SETD7: variants seen among roughly 807,000 people sequenced by gnomAD.
SETD7 encodes SET domain containing 7, histone lysine methyltransferase.
In SETD7, 16 loss-of-function variants were observed where a neutral mutation model predicts 41.8. The ratio of observed to expected loss-of-function variants is 0.38; its 90% CI spans 0.26 to 0.58. The LOEUF (loss-of-function observed/expected upper bound fraction) is 0.58. SETD7 is among the 20% of genes least tolerant of loss of function. The probability of loss-of-function intolerance (pLI) is 0.64; values close to 1 mark genes in which losing one functional copy is unlikely to be tolerated. For synonymous variants in SETD7, 163 were observed against 169.7 expected (o/e 0.96, Z 0.31); for missense variants, 346 against 459.7 (o/e 0.75, Z 2.26).
In SETD7 at chr4:139,509,687, A is replaced by G. The variant is rs1041370562; in HGVS notation, c.*1976T>C. On this transcript the variant is annotated 3_prime_UTR_variant, in exon 8 of 8. Coordinates refer to ENST00000274031, the MANE Select transcript of SETD7 (RefSeq NM_030648.4). The stretch of plus-strand genomic sequence containing the variant: ...CACTCCCTTTGGGCACATTTAAATT[A>G]AAGCACCTATCAGAATGCAAGTCCA... The G allele has an allele frequency of 3.0e-6, 3 of 985,222 alleles. No homozygotes were observed. The highest frequency in any genetic ancestry group is 1.7e-5 in the African/African-American group (1 of 57,358). 61.0% of individuals were successfully genotyped at this position (985,222 alleles called of 1,614,324 possible).
chr4:139,511,733 T>C lies in SETD7; in HGVS notation c.1031A>G (p.Lys344Arg). ...CCACTCAGGGGCTTCAGGCCCACTC[T>C]TCCCGGGGGGGCTGTGGTCATAGCC... The part of the protein sequence containing the change: ...AYGYDHSPPG[K>R]SGPEAPEWYQ... The change falls in exon 8 of 8, where the codon AAG becomes AGG. Residue 344 changes from lysine (K) to arginine (R), a missense_variant. Lys to Arg is a conservative substitution (Grantham distance 26). Coordinates refer to ENST00000274031, the MANE Select transcript of SETD7 (RefSeq NM_030648.4). The C allele has an allele frequency of 6.2e-7, 1 of 1,614,164 alleles. No individual in the cohort carries two copies. Among genetic ancestry groups the C allele is most frequent in the Non-Finnish European group, 8.5e-7 (1 of 1,180,014 alleles).
intron 1 of SETD7, among the ~76,000 whole-genome samples, chr4:139,551,477 CAATT>C (rs1444153247): frequency 1.3e-5 from 2 of 152,166 alleles, no homozygotes; most frequent in African/African-American, 4.8e-5. Flanking sequence ...TAGAAAGTTA[CAATT>C]TTCCCCTCTA....
intron 7 of SETD7, among the ~76,000 whole-genome samples, chr4:139,512,068 C>A (rs1469950889): frequency 6.6e-6 from 1 of 152,122 alleles, no homozygotes; most frequent in Non-Finnish European, 1.5e-5. Flanking sequence ...TGCATTTTAG[C>A]GACACCCCCA....
At chr4:139,535,429 C>T (rs1727611570) in intron 2 of SETD7, among the ~76,000 whole-genome samples, 1 of 152,182 alleles carries the variant, frequency 6.6e-6, no homozygotes. Flanking sequence ...TGACTTTGGA[C>T]TCTCAGCAGC....
chr4:139,493,292 C>T (rs192451888), downstream of SETD7, among the ~76,000 whole-genome samples: 2 of 152,196 alleles, frequency 1.3e-5, no homozygotes, highest in East Asian at 3.9e-4. Flanking sequence ...CAGAGAGAAG[C>T]TATGCAAAGA....
At position 139,509,084 on chromosome 4, in the gene SETD7, G is replaced by C. The variant is rs1044979019; in HGVS notation, c.*2579C>G. 10 of 152,524 alleles carry C rather than the reference G, an allele frequency of 6.6e-5. No individual in the cohort carries two copies. The highest frequency in any genetic ancestry group is 2.4e-4 in the African/African-American group (10 of 41,458). The allele number at this position is 152,524 out of a possible 1,614,324, so 9.4% of individuals were successfully genotyped here. A position where few individuals can be genotyped will look rare whatever the true frequency, so the allele number is the denominator to read the frequency against. On this transcript the variant is annotated 3_prime_UTR_variant, in exon 8 of 8. Transcript: ENST00000274031. ...TCCCAAAGACATGCACAGAGCCAGA[G>C]AGACTCAAGAAAGGTCAGTGCAGGG...
chr4:139,498,670 T>A (rs1439505417), intron 7 of SETD7, among the ~76,000 whole-genome samples: 1 of 152,188 alleles, frequency 6.6e-6, no homozygotes, highest in Non-Finnish European at 1.5e-5. Context: ...TTTCTCTGAC[T>A]TTCTCCTGCC....
At chr4:139,501,765 C>T (rs1726581823), downstream of SETD7, among the ~76,000 whole-genome samples, 1 of 152,226 alleles carries the variant, frequency 6.6e-6, no homozygotes, top group South Asian at 2.1e-4. Context: ...CTAGATGCTT[C>T]ACTCATTAAA....
Position 139,510,669 on chromosome 4 carries a change from T to C in SETD7, c.*994A>G, listed in dbSNP as rs1164639216. 6.6e-6 allele frequency: 1 copy of C among 152,224 alleles called. No individual in the cohort carries two copies. The highest frequency in any genetic ancestry group is 1.5e-5 in the Non-Finnish European group (1 of 68,038). 9.4% of individuals were successfully genotyped at this position (152,224 alleles called of 1,614,324 possible). A position where few individuals can be genotyped will look rare whatever the true frequency, so the allele number is the denominator to read the frequency against. On this transcript the variant is annotated 3_prime_UTR_variant, in exon 8 of 8. Transcript: ENST00000274031. The stretch of plus-strand genomic sequence containing the variant: ...GAATTCTGTTAGAATTCAAATTTGC[T>C]GTTTGACTTTTGAATTCAATGCACT...
chr4:139,500,423 A>G (rs1024045729), intron 7 of SETD7, among the ~76,000 whole-genome samples: 2 of 152,222 alleles, frequency 1.3e-5, no homozygotes, highest in South Asian at 2.1e-4. Context: ...GATCCTTCCA[A>G]TGAAAGGGCT....
At chr4:139,502,692 CCCTCCCTCTG>C (rs1170191829), downstream of SETD7, among the ~76,000 whole-genome samples, 1 of 152,196 alleles carries the variant, frequency 6.6e-6, no homozygotes, top group Non-Finnish European at 1.5e-5. Flanking sequence ...CACCACACAA[CCCTCCCTCTG>C]CCACAGCAGA....
At chr4:139,502,363 G>T (rs1033779937), downstream of SETD7, among the ~76,000 whole-genome samples, 2 of 152,188 alleles carry the variant, frequency 1.3e-5, no homozygotes, top group Non-Finnish European at 2.9e-5. Flanking sequence ...TCGGAATGCT[G>T]GGGGAGGAGA....
At chr4:139,521,857 T>C (rs1390201889) in intron 5 of SETD7, among the ~76,000 whole-genome samples, 5 of 152,218 alleles carry the variant, frequency 3.3e-5, no homozygotes, top group Admixed American at 1.3e-4. Flanking sequence ...CTGTTTCTCT[T>C]GTAAAGAAAA....
At chr4:139,550,951 C>G (rs1268669216) in intron 1 of SETD7, among the ~76,000 whole-genome samples, 1 of 152,192 alleles carries the variant, frequency 6.6e-6, no homozygotes, top group Admixed American at 6.5e-5. Flanking sequence ...AGCCCCTTCT[C>G]CAAATCCTTT....
chr4:139,514,898 G>A (rs1726982350), intron 7 of SETD7, among the ~76,000 whole-genome samples: 1 of 152,172 alleles, frequency 6.6e-6, no homozygotes, highest in Non-Finnish European at 1.5e-5. Flanking sequence ...AGGCATGGTG[G>A]CCCACACCTG....
At chr4:139,535,745 C>T (rs1215767963) in intron 2 of SETD7, among the ~76,000 whole-genome samples, 1 of 152,016 alleles carries the variant, frequency 6.6e-6, no homozygotes, top group East Asian at 1.9e-4. Flanking sequence ...AATCTTACTG[C>T]GTTATTTTTT....
At chr4:139,520,154 C>T (rs1423771484) in intron 6 of SETD7, 123 bp downstream of exon 6, 1 of 556,056 alleles carries the variant, frequency 1.8e-6, no homozygotes, top group Non-Finnish European at 3.2e-6. Context: ...AATGTCCAAT[C>T]ATTTTTACAA....
intron 4 of SETD7, 144 bp downstream of exon 4, chr4:139,528,887 G>T: frequency 1.5e-6 from 1 of 676,822 alleles, no homozygotes. Flanking sequence ...GGGAGGTGCA[G>T]TGTCTGTTAT....
intron 5 of SETD7, among the ~76,000 whole-genome samples, chr4:139,521,858 G>A (rs1051940965): frequency 2.6e-5 from 4 of 152,164 alleles, no homozygotes; most frequent in African/African-American, 9.7e-5. Context: ...TGTTTCTCTT[G>A]TAAAGAAAAC....
Sources: gnomAD v4.1 joint callset for allele counts (sites outside exome capture counted in the v4.1 genomes callset) on GRCh38, gnomAD v4.1.1 for gene constraint, MANE v1.5 for transcripts, NCBI Gene and HGNC (gene_info 2026-07-23, HGNC 2026-07-21) for gene names.